Variants in FSTL5 observed in about 807,000 individuals in gnomAD.
FSTL5 encodes follistatin-related protein 5.
FSTL5 carries 62 observed loss-of-function variants against 89.1 expected under a neutral mutation model. That is an observed-to-expected ratio of 0.70 (90% CI 0.57 to 0.86). The LOEUF (loss-of-function observed/expected upper bound fraction) is 0.86, where lower values mean the gene tolerates loss of function less well. FSTL5 is among the 40% of genes least tolerant of loss of function. FSTL5 has a pLI of 0.00. For synonymous variants in FSTL5, 383 were observed against 346.2 expected (o/e 1.11, Z -1.18); for missense variants, 1,057 against 1,001.6 (o/e 1.06, Z -0.75).
intron 4 of FSTL5, among the ~76,000 whole-genome samples, chr4:161,911,046 T>C (rs1733676765): frequency 6.6e-6 from 1 of 152,130 alleles, no homozygotes; most frequent in South Asian, 2.1e-4. Context: ...ATCACAGTAA[T>C]TGGAAAAGAA....
intron 4 of FSTL5, among the ~76,000 whole-genome samples, chr4:161,904,725 A>C: frequency 6.6e-6 from 1 of 152,078 alleles, no homozygotes; most frequent in South Asian, 2.1e-4. Context: ...TTTGAGAATT[A>C]ACACCAATAT....
intron 5 of FSTL5, among the ~76,000 whole-genome samples, chr4:161,774,903 T>C (rs1462494780): frequency 1.3e-5 from 2 of 152,092 alleles, no homozygotes; most frequent in Non-Finnish European, 2.9e-5. Flanking sequence ...ATGCCTAGGA[T>C]TTGGTAACTA....
At chr4:161,679,338 C>T (rs1436713626) in intron 6 of FSTL5, among the ~76,000 whole-genome samples, 1 of 151,470 alleles carries the variant, frequency 6.6e-6, no homozygotes, top group African/African-American at 2.4e-5. Flanking sequence ...TCATGCGTTG[C>T]AGGTTTTGAC....
chr4:162,153,389 T>C (rs1733306063), intron 1 of FSTL5, among the ~76,000 whole-genome samples: 1 of 151,762 alleles, frequency 6.6e-6, no homozygotes, highest in African/African-American at 2.4e-5. Context: ...GTTTTACTTT[T>C]TACCTGAACA....
At chr4:161,873,422 C>T (rs775265597) in intron 4 of FSTL5, among the ~76,000 whole-genome samples, 2 of 151,828 alleles carry the variant, frequency 1.3e-5, no homozygotes, top group Non-Finnish European at 2.9e-5. Context: ...TATAAAATTA[C>T]CAACTCAAAT....
At chr4:161,666,826 T>A (rs1476366190) in intron 6 of FSTL5, among the ~76,000 whole-genome samples, 1 of 152,102 alleles carries the variant, frequency 6.6e-6, no homozygotes, top group African/African-American at 2.4e-5. Context: ...GGAGAACTTA[T>A]AATCACAAAT....
chr4:161,515,058 C>A (rs1218086384), intron 10 of FSTL5, among the ~76,000 whole-genome samples: 1 of 151,786 alleles, frequency 6.6e-6, no homozygotes, highest in African/African-American at 2.4e-5. Context: ...ATGTATTTTG[C>A]AATTACTTAA....
intron 2 of FSTL5, among the ~76,000 whole-genome samples, chr4:162,042,977 G>A (rs1027455106): frequency 6.7e-6 from 1 of 149,168 alleles, no homozygotes; most frequent in Non-Finnish European, 1.5e-5. Flanking sequence ...GGATAGCATT[G>A]GGAGATATAC....
chr4:161,716,233 C>T (rs1738976488), intron 6 of FSTL5, among the ~76,000 whole-genome samples: 1 of 152,124 alleles, frequency 6.6e-6, no homozygotes, highest in Non-Finnish European at 1.5e-5. Flanking sequence ...GTGTGCATGG[C>T]TTCTTTCACA....
chr4:161,843,665 A>G (rs1292905895), intron 4 of FSTL5, among the ~76,000 whole-genome samples: 1 of 152,162 alleles, frequency 6.6e-6, no homozygotes, highest in Non-Finnish European at 1.5e-5. Flanking sequence ...CTGATCTTTG[A>G]CAAACCTAAC....
At chr4:161,426,463 C>A (rs984798915) in intron 15 of FSTL5, among the ~76,000 whole-genome samples, 1 of 152,176 alleles carries the variant, frequency 6.6e-6, no homozygotes, top group Non-Finnish European at 1.5e-5. Context: ...GAATTTTAAA[C>A]AAAAGACAGA....
At chr4:161,709,304 T>C (rs960260355) in intron 6 of FSTL5, among the ~76,000 whole-genome samples, 4 of 152,164 alleles carry the variant, frequency 2.6e-5, no homozygotes, top group Admixed American at 1.3e-4. Flanking sequence ...TAAATGAATA[T>C]AAATTTGGAG....
At chr4:161,620,626 A>T (rs554874451) in intron 7 of FSTL5, among the ~76,000 whole-genome samples, 1 of 152,318 alleles carries the variant, frequency 6.6e-6, no homozygotes, top group Middle Eastern at 3.4e-3. Context: ...ATTGCACTCC[A>T]GCCTAGGCAA....
At chr4:161,393,585 A>G (rs1302538696) in intron 15 of FSTL5, among the ~76,000 whole-genome samples, 1 of 152,104 alleles carries the variant, frequency 6.6e-6, no homozygotes, top group Non-Finnish European at 1.5e-5. Context: ...GAGAGAGTTT[A>G]TATTGGTCTA....
At chr4:162,106,734 G>T (rs1408387845) in intron 2 of FSTL5, among the ~76,000 whole-genome samples, 3 of 152,090 alleles carry the variant, frequency 2.0e-5, no homozygotes, top group Non-Finnish European at 4.4e-5. Flanking sequence ...TGTCTTGATT[G>T]CAGATAACGC....
chr4:161,443,596 A>C (rs1208137120), intron 15 of FSTL5, among the ~76,000 whole-genome samples: 3 of 151,944 alleles, frequency 2.0e-5, no homozygotes, highest in Non-Finnish European at 4.4e-5. Context: ...TTGGTATTTA[A>C]TGCAATCTTA....
intron 15 of FSTL5, among the ~76,000 whole-genome samples, chr4:161,415,455 A>G (rs1731739875): frequency 6.6e-6 from 1 of 151,964 alleles, no homozygotes; most frequent in Non-Finnish European, 1.5e-5. Context: ...GTGTTTCACC[A>G]TGTTGGCCAG....
chr4:161,996,990 G>T (rs768812235), intron 3 of FSTL5, among the ~76,000 whole-genome samples: 4 of 152,198 alleles, frequency 2.6e-5, no homozygotes, highest in Non-Finnish European at 5.9e-5. Flanking sequence ...CCACTCCAAT[G>T]AAATTTATGT....
chr4:162,074,885 G>T (rs1729774332), intron 2 of FSTL5, among the ~76,000 whole-genome samples: 1 of 151,606 alleles, frequency 6.6e-6, no homozygotes, highest in Admixed American at 6.6e-5. Context: ...CACCTTAGAT[G>T]TGCTAAGAAC....
Sources: gnomAD v4.1 joint callset for allele counts (sites outside exome capture counted in the v4.1 genomes callset) on GRCh38, gnomAD v4.1.1 for gene constraint, MANE v1.5 for transcripts, NCBI Gene and HGNC (gene_info 2026-07-23, HGNC 2026-07-21) for gene names.